Variants in CACNA2D4 observed in about 807,000 individuals in gnomAD.
The protein encoded by CACNA2D4 is calcium voltage-gated channel auxiliary subunit alpha2delta 4, also known as voltage-dependent calcium channel subunit alpha-2/delta-4.
In CACNA2D4, 157 loss-of-function variants were observed where a neutral mutation model predicts 163.8. The observed-to-expected ratio is 0.96, with a 90% CI of 0.84 to 1.09. The LOEUF (loss-of-function observed/expected upper bound fraction) is 1.09. Among genes scored for constraint, CACNA2D4 ranks in the 50% least tolerant of loss-of-function variants. The pLI, the probability that CACNA2D4 is intolerant of heterozygous loss-of-function variation, is 0.00. For synonymous variants in CACNA2D4, 598 were observed against 586.9 expected (o/e 1.02, Z -0.27); for missense variants, 1,410 against 1,479.9 (o/e 0.95, Z 0.78).
chr12:1,793,023 A>T lies in CACNA2D4; in HGVS notation c.*632T>A, dbSNP rs1863019328. On this transcript the variant is annotated 3_prime_UTR_variant, in exon 38 of 38. Transcript: ENST00000382722. ...CGTGTAGCCCTGTCGATATTTCCTG[A>T]ATGGATTTCATTCCTTTCTCAGTCT... The T allele has an allele frequency of 6.6e-6, 1 of 152,278 alleles. No individual in the cohort carries two copies. The highest frequency in any genetic ancestry group is 2.4e-5 in the African/African-American group (1 of 41,408). The allele number at this position is 152,278 out of a possible 1,614,324, so 9.4% of individuals were successfully genotyped here. A position where few individuals can be genotyped will look rare whatever the true frequency, so the allele number is the denominator to read the frequency against.
At chr12:1,801,915 G>A (rs994823047) in intron 29 of CACNA2D4, among the ~76,000 whole-genome samples, 6 of 152,100 alleles carry the variant, frequency 3.9e-5, no homozygotes, top group African/African-American at 1.4e-4. Context: ...AGGCTGCAAT[G>A]TGATTTTTTT....
At position 1,831,183 on chromosome 12, in the gene CACNA2D4, C is replaced by A. The variant is rs988240534; in HGVS notation, c.2551+9556G>T. 2.5e-6 allele frequency: 4 copies of A among 1,613,920 alleles called. No individual in the cohort carries two copies. In the Middle Eastern group the frequency reaches 4.9e-4, roughly 200 times the overall value. ...GGACCTGTCCAACAACTTCCTGGAC[C>A]GGCTGCCCCGCTCCATTTTCGGGGA... On this transcript the variant is annotated intron_variant, in intron 26 of 37. Coordinates refer to ENST00000382722, the MANE Select transcript of CACNA2D4 (RefSeq NM_172364.5).
In CACNA2D4 at chr12:1,878,914, T is replaced by C. The variant is rs756964360; in HGVS notation, c.1644+42A>G. 1 of 1,571,302 alleles carries C rather than the reference T, an allele frequency of 6.4e-7. No individual in the cohort carries two copies. Among genetic ancestry groups the C allele is most frequent in the South Asian group, 1.1e-5 (1 of 89,274 alleles). The stretch of plus-strand genomic sequence containing the variant: ...CATCACGGGGGAGGGAGTTTGCTCC[T>C]GGGGAACCTGTGATCCCCACAGGGA... On this transcript the variant is annotated intron_variant, in intron 15 of 37. Coordinates refer to ENST00000382722, the MANE Select transcript of CACNA2D4 (RefSeq NM_172364.5). This position sits in a 1 kb window ranked among gnomAD's most constrained non-coding sequence, Gnocchi z 4.6.
intron 1 of CACNA2D4, among the ~76,000 whole-genome samples, chr12:1,915,701 G>A (rs1866957237): frequency 6.6e-6 from 1 of 152,194 alleles, no homozygotes; most frequent in South Asian, 2.1e-4. Flanking sequence ...GGGGAGCCCC[G>A]ACCTCTCGCC....
At chr12:1,839,270 G>A (rs977422088) in intron 26 of CACNA2D4, among the ~76,000 whole-genome samples, 4 of 152,240 alleles carry the variant, frequency 2.6e-5, no homozygotes, top group Non-Finnish European at 5.9e-5. Context: ...GGCTGAGCTC[G>A]AATGCCTGTT....
intron 32 of CACNA2D4, 27 bp downstream of exon 32, chr12:1,800,359 A>G: frequency 6.2e-7 from 1 of 1,612,628 alleles, no homozygotes; most frequent in Non-Finnish European, 8.5e-7. Context: ...GCAGCCCTCC[A>G]CCAGCCCCGT....
At chr12:1,911,455 T>A (rs959656194) in intron 3 of CACNA2D4, among the ~76,000 whole-genome samples, 3 of 152,138 alleles carry the variant, frequency 2.0e-5, no homozygotes, top group Non-Finnish European at 4.4e-5. Flanking sequence ...TAAGCCTCTC[T>A]GGTCCTCTGC....
chr12:1,878,985 C>CT lies in CACNA2D4; in HGVS notation c.1614dup (p.Glu539ArgfsTer47). ...TACCGGGGCGCCAGCTTCATCAGCTCTCTCAGGGCCACATCTGAGCCCACC... is the reference window on the plus strand; with the variant it reads ...TACCGGGGCGCCAGCTTCATCAGCTCTTCTCAGGGCCACATCTGAGCCCACC... On this transcript the variant is annotated frameshift_variant, in exon 15 of 38. Coordinates refer to ENST00000382722, the MANE Select transcript of CACNA2D4 (RefSeq NM_172364.5). LOFTEE classifies it high-confidence loss of function. This position sits in a 1 kb window ranked among gnomAD's most constrained non-coding sequence, Gnocchi z 4.6. 1.2e-6 allele frequency: 2 copies of CT among 1,613,920 alleles called. No individual in the cohort carries two copies. The highest frequency in any genetic ancestry group is 1.7e-6 in the Non-Finnish European group (2 of 1,179,868).
At position 1,820,043 on chromosome 12, in the gene CACNA2D4, G is replaced by A. The variant is rs1864028282; in HGVS notation, c.2552-8320C>T. Among the ~76,000 whole-genome samples, 1 of 152,214 alleles carries A rather than the reference G, an allele frequency of 6.6e-6. No individual in the cohort carries two copies. ...ATGCCTGTGTACCCTTCTTTCGTAT[G>A]ACCGAGAGAAGGGTTCGGTTTTTCC... On this transcript the variant is annotated intron_variant, in intron 26 of 37. Coordinates refer to ENST00000382722, the MANE Select transcript of CACNA2D4 (RefSeq NM_172364.5). This position sits in a 1 kb window ranked among gnomAD's most constrained non-coding sequence, Gnocchi z 6.0.
intron 7 of CACNA2D4, 134 bp downstream of exon 7, chr12:1,886,875 G>C: frequency 1.6e-6 from 1 of 622,512 alleles, no homozygotes; most frequent in Non-Finnish European, 3.0e-6. Flanking sequence ...CTCTTGTGTC[G>C]GGCTAGGGTT....
intron 6 of CACNA2D4, among the ~76,000 whole-genome samples, chr12:1,904,554 T>G (rs1030793052): frequency 6.6e-6 from 1 of 151,972 alleles, no homozygotes; most frequent in East Asian, 1.9e-4. Flanking sequence ...AGTTTGTGGT[T>G]TTGGGCACCA....
rs1285144596 is a variant in CACNA2D4, at chr12:1,828,034, G to C, written c.2551+12705C>G. 43 of 962,046 alleles carry C rather than the reference G, an allele frequency of 4.5e-5. No individual in the cohort carries two copies. In the South Asian group the frequency reaches 8.6e-4, roughly 19 times the overall value. The allele number at this position is 962,046 out of a possible 1,614,324, so 59.6% of individuals were successfully genotyped here. A position where few individuals can be genotyped will look rare whatever the true frequency, so the allele number is the denominator to read the frequency against. On this transcript the variant is annotated intron_variant, in intron 26 of 37. Coordinates refer to ENST00000382722, the MANE Select transcript of CACNA2D4 (RefSeq NM_172364.5). The surrounding 1 kb of genome is among the most constrained non-coding windows in gnomAD (Gnocchi z 4.2). ...TCCCTAACCCCTGGGCTGGAACGGG[G>C]CTCCCGCGCCTGCCTGTGCTCAGTG...
intron 2 of CACNA2D4, 136 bp from the exon 3 acceptor site, chr12:1,913,275 C>T: frequency 1.5e-6 from 1 of 679,120 alleles, no homozygotes; most frequent in Non-Finnish European, 2.7e-6. Context: ...TAGGGTGAGG[C>T]CCAGCCCTCT....
intron 6 of CACNA2D4, among the ~76,000 whole-genome samples, chr12:1,889,378 G>A (rs546975042): frequency 2.2e-4 from 33 of 152,108 alleles, no homozygotes; most frequent in Non-Finnish European, 4.3e-4. Context: ...TGATTTGTGG[G>A]GATGAAAAAT....
intron 6 of CACNA2D4, among the ~76,000 whole-genome samples, chr12:1,898,525 A>G (rs1764784034): frequency 6.6e-6 from 1 of 152,174 alleles, no homozygotes; most frequent in Non-Finnish European, 1.5e-5. Flanking sequence ...TTGCCATGAG[A>G]TACTACCTCA....
intron 13 of CACNA2D4, among the ~76,000 whole-genome samples, chr12:1,880,779 C>T (rs1865976934): frequency 1.3e-5 from 2 of 152,214 alleles, no homozygotes; most frequent in South Asian, 2.1e-4. Context: ...GAGTGAACCA[C>T]GATGACATCT....
chr12:1,854,759 A>G (rs935544019), intron 22 of CACNA2D4, among the ~76,000 whole-genome samples: 6 of 152,146 alleles, frequency 3.9e-5, no homozygotes, highest in Non-Finnish European at 8.8e-5. Context: ...GCCCCTATAC[A>G]TGCTGTTTCC....
At chr12:1,814,209 T>G (rs1239989523) in intron 26 of CACNA2D4, among the ~76,000 whole-genome samples, 1 of 152,250 alleles carries the variant, frequency 6.6e-6, no homozygotes, top group East Asian at 1.9e-4. Flanking sequence ...ATCATGAGAT[T>G]TCTGAGCTGG....
chr12:1,864,136 T>C (rs1165285094), intron 18 of CACNA2D4, among the ~76,000 whole-genome samples: 1 of 152,218 alleles, frequency 6.6e-6, no homozygotes, highest in Non-Finnish European at 1.5e-5. Context: ...GGATTTTCCC[T>C]CTCTACTGTT....
Sources: gnomAD v4.1 joint callset for allele counts (sites outside exome capture counted in the v4.1 genomes callset) on GRCh38, gnomAD v4.1.1 for gene constraint, Gnocchi (gnomAD v3.1) non-coding constraint, MANE v1.5 for transcripts, NCBI Gene and HGNC (gene_info 2026-07-23, HGNC 2026-07-21) for gene names.